GPR39: variants seen among roughly 807,000 people sequenced by gnomAD.
GPR39 encodes the protein zinc sensing receptor.
A neutral mutation model predicts 18.4 loss-of-function variants in GPR39; 23 were observed. The observed-to-expected ratio is 1.25, with a 90% CI of 0.90 to 1.77. The LOEUF (loss-of-function observed/expected upper bound fraction) is 1.77. GPR39 is among the 40% of genes most tolerant of loss of function. The pLI, the probability that GPR39 is intolerant of heterozygous loss-of-function variation, is 0.00. For synonymous variants in GPR39, 280 were observed against 257.9 expected (o/e 1.09, Z -0.82); for missense variants, 647 against 602.4 (o/e 1.07, Z -0.78).
intron 1 of GPR39, among the ~76,000 whole-genome samples, chr2:132,463,861 A>G (rs1299773626): frequency 2.0e-5 from 3 of 152,294 alleles, no homozygotes; most frequent in Admixed American, 6.5e-5. Context: ...AATATCCGAG[A>G]TGGGCTCATT....
chr2:132,579,035 C>T (rs763540001), intron 1 of GPR39, among the ~76,000 whole-genome samples: 1 of 150,760 alleles, frequency 6.6e-6, no homozygotes, highest in South Asian at 2.1e-4. Flanking sequence ...TTTTTAAGTT[C>T]TTGAGGGTGG....
At chr2:132,548,907 G>A (rs1460004155) in intron 1 of GPR39, among the ~76,000 whole-genome samples, 5 of 152,212 alleles carry the variant, frequency 3.3e-5, no homozygotes, top group Admixed American at 1.3e-4. Context: ...TTCAACAAAT[G>A]TTACTTAGGG....
At chr2:132,604,248 A>G (rs114658083) in intron 1 of GPR39, among the ~76,000 whole-genome samples, 520 of 152,236 alleles carry the variant, frequency 3.4e-3, no homozygotes, top group Middle Eastern at 0.01. Context: ...CAGGCAACTC[A>G]TATCTGGGCA....
chr2:132,431,634 C>T (rs142150940), intron 1 of GPR39, among the ~76,000 whole-genome samples: 6 of 152,128 alleles, frequency 3.9e-5, no homozygotes, highest in South Asian at 2.1e-4. Flanking sequence ...TTTTTTTGAA[C>T]GAGAGTCACC....
At chr2:132,442,486 G>T (rs541918533) in intron 1 of GPR39, among the ~76,000 whole-genome samples, 1 of 152,320 alleles carries the variant, frequency 6.6e-6, no homozygotes, top group East Asian at 1.9e-4. Flanking sequence ...TCAGGCCCCA[G>T]GGAAATGCTT....
chr2:132,430,266 C>A (rs1210348686), intron 1 of GPR39, among the ~76,000 whole-genome samples: 2 of 152,128 alleles, frequency 1.3e-5, no homozygotes, highest in Non-Finnish European at 2.9e-5. Context: ...ATATCAAAAC[C>A]TTTGTGGGTG....
intron 1 of GPR39, among the ~76,000 whole-genome samples, chr2:132,608,537 C>T (rs537035212): frequency 2.0e-5 from 3 of 152,340 alleles, no homozygotes; most frequent in Admixed American, 6.5e-5. Flanking sequence ...AGTCAAAGCC[C>T]GGCCTGCTGA....
chr2:132,545,846 A>G (rs889423682), intron 1 of GPR39, among the ~76,000 whole-genome samples: 24 of 152,274 alleles, frequency 1.6e-4, no homozygotes, highest in Admixed American at 4.6e-4. Flanking sequence ...CTGGTCCAAG[A>G]CTAAGTTTGC....
At chr2:132,551,006 G>C (rs144500924) in intron 1 of GPR39, among the ~76,000 whole-genome samples, 68 of 152,300 alleles carry the variant, frequency 4.5e-4, no homozygotes, top group Middle Eastern at 3.4e-3. Context: ...GTTGCAGTAA[G>C]TTTGTTGGTT....
intron 1 of GPR39, among the ~76,000 whole-genome samples, chr2:132,485,785 C>T (rs1681326071): frequency 6.6e-6 from 1 of 152,146 alleles, no homozygotes; most frequent in Admixed American, 6.5e-5. Context: ...ATTTTGAACC[C>T]TCAAAGTCAT....
rs527758337 is a variant in GPR39 at position 132,534,275 on chromosome 2, A to G, written c.857-110826A>G. ...ACTGGCCATCAGAGAAATGCAAATC[A>G]AAACCACTATGAGATATCATCTCAC... is the stretch of plus-strand genomic sequence containing the variant. On this transcript the variant is annotated intron_variant, in intron 1 of 1. Coordinates refer to ENST00000329321, the MANE Select transcript of GPR39 (RefSeq NM_001508.3). 5.5e-3 allele frequency among the ~76,000 whole-genome samples: 841 copies of G among 151,904 alleles called. 12 individuals carry two copies. Among genetic ancestry groups the G allele is most frequent in the African/African-American group, 0.019 (778 of 41,516 alleles).
intron 1 of GPR39, among the ~76,000 whole-genome samples, chr2:132,594,872 C>G (rs933305358): frequency 6.6e-6 from 1 of 152,148 alleles, no homozygotes; most frequent in Non-Finnish European, 1.5e-5. Context: ...TGGTACTTAT[C>G]TCATAGGGTT....
intron 1 of GPR39, among the ~76,000 whole-genome samples, chr2:132,477,671 T>A (rs1301105589): frequency 6.6e-6 from 1 of 152,226 alleles, no homozygotes; most frequent in African/African-American, 2.4e-5. Context: ...CACTTATGTG[T>A]CATTGTGGGC....
chr2:132,585,845 G>T (rs1680715215), intron 1 of GPR39, among the ~76,000 whole-genome samples: 1 of 151,986 alleles, frequency 6.6e-6, no homozygotes, highest in Non-Finnish European at 1.5e-5. Flanking sequence ...CCCTCGAGGT[G>T]AAGGCCCCTG....
chr2:132,461,739 A>G (rs561789136), intron 1 of GPR39, among the ~76,000 whole-genome samples: 9 of 152,354 alleles, frequency 5.9e-5, no homozygotes, highest in African/African-American at 2.2e-4. Context: ...TACTAATCAT[A>G]GTATTAAAGC....
chr2:132,495,600 A>C (rs751366930), intron 1 of GPR39, among the ~76,000 whole-genome samples: 17 of 152,160 alleles, frequency 1.1e-4, no homozygotes, highest in Admixed American at 8.5e-4. Context: ...ATTTCACTTA[A>C]GGTGCACAGA....
chr2:132,486,396 G>A (rs1007418825), intron 1 of GPR39, among the ~76,000 whole-genome samples: 1 of 152,182 alleles, frequency 6.6e-6, no homozygotes, highest in Non-Finnish European at 1.5e-5. Context: ...TTAAATCCTG[G>A]CATTGACTTC....
chr2:132,449,745 A>G (rs1326265830), intron 1 of GPR39, among the ~76,000 whole-genome samples: 1 of 151,936 alleles, frequency 6.6e-6, no homozygotes. Flanking sequence ...AGAGCTTTTC[A>G]GCAGGCCTAG....
chr2:132,524,336 G>A (rs1679473115), intron 1 of GPR39, among the ~76,000 whole-genome samples: 1 of 152,224 alleles, frequency 6.6e-6, no homozygotes, highest in Non-Finnish European at 1.5e-5. Context: ...CCACCTACCT[G>A]TCAGCATTAG....
Sources: allele counts gnomAD v4.1 joint callset (sites outside exome capture counted in the v4.1 genomes callset), GRCh38; gene constraint gnomAD v4.1.1; transcripts MANE v1.5; gene names NCBI Gene and HGNC (gene_info 2026-07-23, HGNC 2026-07-21).